The following RCVRN variants were observed in gnomAD, a reference collection of about 807,000 sequenced individuals.
RCVRN encodes recoverin, also known as cancer associated retinopathy antigen.
In RCVRN, 23 loss-of-function variants were observed where a neutral mutation model predicts 20.4. The ratio of observed to expected loss-of-function variants is 1.13; its 90% CI spans 0.81 to 1.60. The LOEUF is 1.60. RCVRN is among the 40% of genes most tolerant of loss of function. RCVRN has a pLI of 0.00. For synonymous variants in RCVRN, 105 were observed against 105.9 expected, an observed-to-expected ratio of 0.99 and a Z score of 0.05; for missense variants, 254 against 254.2, an observed-to-expected ratio of 1.00 and a Z score of 0.00.
rs768115965 is a variant in RCVRN, at chr17:9,904,995, G to C, written c.186C>G (p.Pro62=). ...IYAKFFPDTD[P]KAYAQHVFRS... ...GGAACACATGCTGGGCGTAGGCCTTGGGGTCGGTGTCGGGGAAGAACTTGG... is the reference window on the plus strand; with the variant it reads ...GGAACACATGCTGGGCGTAGGCCTTCGGGTCGGTGTCGGGGAAGAACTTGG... The change falls in exon 1 of 3, where the codon CCC becomes CCG. Residue 62 remains proline, a synonymous_variant. Transcript: ENST00000226193. The surrounding 1 kb of genome is among the most constrained non-coding windows in gnomAD (Gnocchi z 5.8). 1 of 1,614,202 alleles carries C rather than the reference G, an allele frequency of 6.2e-7. No individual in the cohort carries two copies. The highest frequency in any genetic ancestry group is 8.5e-7 in the Non-Finnish European group (1 of 1,180,040).
chr17:9,898,446 G>A (rs2067328343), intron 2 of RCVRN, among the ~76,000 whole-genome samples: 1 of 152,102 alleles, frequency 6.6e-6, no homozygotes, highest in Non-Finnish European at 1.5e-5. Context: ...GACTGGCACT[G>A]GGGGGGCCCC....
At position 9,905,080 on chromosome 17, in the gene RCVRN, G is replaced by T; in HGVS notation, c.101C>A (p.Ser34Tyr). ...GCCGGTGGGACAGTCCTTCAGGAAG[G>T]ACTGGTACCAGGAGCACAGCTCCTC... ...SEEELCSWYQ[S>Y]FLKDCPTGRI... The change falls in exon 1 of 3, where the codon TCC (serine) becomes TAC (tyrosine). Residue 34 changes from serine (S) to tyrosine (Y), a missense_variant. Ser to Tyr is a moderately radical substitution (Grantham distance 144, BLOSUM62 -2). Coordinates refer to ENST00000226193, the MANE Select transcript of RCVRN (RefSeq NM_002903.3). The T allele has an allele frequency of 6.2e-7, 1 of 1,611,122 alleles. No homozygotes were observed. The highest frequency in any genetic ancestry group is 1.1e-5 in the South Asian group (1 of 90,620).
At chr17:9,901,738 G>A (rs1335043223) in intron 1 of RCVRN, among the ~76,000 whole-genome samples, 2 of 152,200 alleles carry the variant, frequency 1.3e-5, no homozygotes, top group African/African-American at 4.8e-5. Flanking sequence ...GTGAGTGCCT[G>A]CCCACCCCAC....
At chr17:9,902,005 T>C (rs1413555616) in intron 1 of RCVRN, among the ~76,000 whole-genome samples, 2 of 151,722 alleles carry the variant, frequency 1.3e-5, no homozygotes, top group Non-Finnish European at 2.9e-5. Context: ...TCCCTCCCTT[T>C]CCTTTCTTCT....
At position 9,898,253 on chromosome 17, in the gene RCVRN, T is replaced by C. The variant is rs372334401; in HGVS notation, c.494-49A>G. 2.1e-5 allele frequency: 25 copies of C among 1,170,062 alleles called. No individual in the cohort carries two copies. In the African/African-American group the frequency reaches 3.6e-4, roughly 17 times the overall value. The allele number at this position is 1,170,062 out of a possible 1,614,324, so 72.5% of individuals were successfully genotyped here. A position where few individuals can be genotyped will look rare whatever the true frequency, so the allele number is the denominator to read the frequency against. ...ACGTACATAAAACAGTCAGGATTGA[T>C]AGCCAAGTGAGCTGCGATGAGGCTG... On this transcript the variant is annotated intron_variant, in intron 2 of 2. Transcript: ENST00000226193.
chr17:9,903,079 T>C (rs958570641), intron 1 of RCVRN, among the ~76,000 whole-genome samples: 2 of 152,152 alleles, frequency 1.3e-5, no homozygotes, highest in African/African-American at 2.4e-5. Flanking sequence ...TGATAAAAAA[T>C]CGTATGTGAA....
rs2152055076 is a variant in RCVRN at position 9,904,262 on chromosome 17, A to AT, written c.381+537_381+538insA. On this transcript the variant is annotated intron_variant, in intron 1 of 2. Coordinates refer to ENST00000226193, the MANE Select transcript of RCVRN (RefSeq NM_002903.3). This position sits in a 1 kb window ranked among gnomAD's most constrained non-coding sequence, Gnocchi z 5.8. ...ATCTCAAAAAAATAAAAAATAAAAA[A>AT]CCAAGATACAAAATGGTAGACCTGT... 6.6e-6 allele frequency among the ~76,000 whole-genome samples: 1 copy of AT among 152,230 alleles called. No homozygotes were observed. The highest frequency in any genetic ancestry group is 2.4e-5 in the African/African-American group (1 of 41,536).
intron 2 of RCVRN, among the ~76,000 whole-genome samples, chr17:9,898,562 T>A (rs951327229): frequency 6.6e-6 from 1 of 152,216 alleles, no homozygotes; most frequent in Non-Finnish European, 1.5e-5. Flanking sequence ...GTTATTCTAT[T>A]TTCTATAGTA....
chr17:9,905,057 C>T lies in RCVRN; in HGVS notation c.124G>A (p.Gly42Ser), dbSNP rs2067357719. 1.9e-6 allele frequency: 3 copies of T among 1,612,656 alleles called. No individual in the cohort carries two copies. Among genetic ancestry groups the T allele is most frequent in the East Asian group, 2.2e-5 (1 of 44,810 alleles). The change falls in exon 1 of 3, where the codon GGC becomes AGC. Residue 42 changes from glycine (G) to serine (S), a missense_variant. Physicochemically the swap from Gly to Ser is moderately conservative, Grantham distance 56 (BLOSUM62 0). Transcript: ENST00000226193. ...YQSFLKDCPT[G>S]RITQQQFQSI... Reference sequence around the variant, plus strand: ...TGGAACTGCTGCTGGGTGATGCGGCCGGTGGGACAGTCCTTCAGGAAGGAC... The same window carrying T: ...TGGAACTGCTGCTGGGTGATGCGGCTGGTGGGACAGTCCTTCAGGAAGGAC...
rs2067319627 is a variant in RCVRN, at chr17:9,896,924, C to T, written c.*1171G>A. 1 of 152,806 alleles carries T rather than the reference C, an allele frequency of 6.5e-6. No homozygotes were observed. Among genetic ancestry groups the T allele is most frequent in the Non-Finnish European group, 1.5e-5 (1 of 68,558 alleles). The allele number at this position is 152,806 out of a possible 1,614,324, so 9.5% of individuals were successfully genotyped here. On this transcript the variant is annotated 3_prime_UTR_variant, in exon 3 of 3. Coordinates refer to ENST00000226193, the MANE Select transcript of RCVRN (RefSeq NM_002903.3). Reference sequence around the variant, plus strand: ...CATTCCTGCCCTCTCTCCTCCTGCCCCCTCAGCCAGCCAGGTGGATGCTAC... The same window carrying T: ...CATTCCTGCCCTCTCTCCTCCTGCCTCCTCAGCCAGCCAGGTGGATGCTAC...
chr17:9,902,595 G>A lies in RCVRN; in HGVS notation c.382-1495C>T, dbSNP rs541075338. Among the ~76,000 whole-genome samples the A allele has an allele frequency of 2.6e-5, 4 of 151,822 alleles. No individual in the cohort carries two copies. In the East Asian group the frequency reaches 7.7e-4, roughly 29 times the overall value. On this transcript the variant is annotated intron_variant, in intron 1 of 2. Transcript: ENST00000226193. ...AAAAAAAATCAAATGAAGGAAATTA[G>A]AACTGGTATAATAGGAAAGAAATGG...
In RCVRN at chr17:9,896,551, G is replaced by C. The variant is rs961533811; in HGVS notation, c.*1544C>G. On this transcript the variant is annotated 3_prime_UTR_variant, in exon 3 of 3. Coordinates refer to ENST00000226193, the MANE Select transcript of RCVRN (RefSeq NM_002903.3). ...GAACTTGAGGCTGGAGAATAAATGG[G>C]CCTTCAAAGCAACAAATCCAGGGAT... 8 of 152,168 alleles carry C rather than the reference G, an allele frequency of 5.3e-5. No individual in the cohort carries two copies. Among genetic ancestry groups the C allele is most frequent in the African/African-American group, 1.9e-4 (8 of 41,428 alleles). The allele number at this position is 152,168 out of a possible 1,614,324, so 9.4% of individuals were successfully genotyped here.
intron 2 of RCVRN, among the ~76,000 whole-genome samples, chr17:9,900,262 C>T (rs2067335378): frequency 6.6e-6 from 1 of 152,160 alleles, no homozygotes; most frequent in Admixed American, 6.5e-5. Context: ...CTTGTGCTGG[C>T]CGTAAGCATC....
At chr17:9,898,938 T>C (rs2152054140) in intron 2 of RCVRN, among the ~76,000 whole-genome samples, 1 of 152,332 alleles carries the variant, frequency 6.6e-6, no homozygotes, top group East Asian at 1.9e-4. Flanking sequence ...ATCAGGTGGC[T>C]AACTGTATTC....
intron 1 of RCVRN, among the ~76,000 whole-genome samples, chr17:9,902,566 ATT>A (rs200395071): frequency 0.18 from 27,266 of 150,020 alleles, 3,166 homozygotes; most frequent in Non-Finnish European, 0.27. Flanking sequence ...AAAAGAATAA[ATT>A]AAAAAAAAAT....
rs1165266974 is a variant in RCVRN at position 9,897,181 on chromosome 17, G to C, written c.*914C>G. 6.6e-6 allele frequency: 1 copy of C among 152,270 alleles called. No homozygotes were observed. Among genetic ancestry groups the C allele is most frequent in the Non-Finnish European group, 1.5e-5 (1 of 68,170 alleles). 9.4% of individuals were successfully genotyped at this position (152,270 alleles called of 1,614,324 possible). On this transcript the variant is annotated 3_prime_UTR_variant, in exon 3 of 3. Coordinates refer to ENST00000226193, the MANE Select transcript of RCVRN (RefSeq NM_002903.3). Reference sequence around the variant, plus strand: ...CGCTGTCCCCATGGTGAGCCCCCAAGTGCTTACCACAGGCTGCAGGGAGGG... The same window carrying C: ...CGCTGTCCCCATGGTGAGCCCCCAACTGCTTACCACAGGCTGCAGGGAGGG...
rs1381458603 is a variant in RCVRN, at chr17:9,896,464, G to A, written c.*1631C>T. 2 of 152,214 alleles carry A rather than the reference G, an allele frequency of 1.3e-5. No individual in the cohort carries two copies. The highest frequency in any genetic ancestry group is 2.9e-5 in the Non-Finnish European group (2 of 68,046). The allele number at this position is 152,214 out of a possible 1,614,324, so 9.4% of individuals were successfully genotyped here. A position where few individuals can be genotyped will look rare whatever the true frequency, so the allele number is the denominator to read the frequency against. On this transcript the variant is annotated 3_prime_UTR_variant, in exon 3 of 3. Coordinates refer to ENST00000226193, the MANE Select transcript of RCVRN (RefSeq NM_002903.3). ...GCAACTAGAGACTCCTCAGCCTCAA[G>A]AGGTTGCAGACAGGTCAGTCAAGAA...
At chr17:9,898,698 T>A (rs758472742) in intron 2 of RCVRN, among the ~76,000 whole-genome samples, 5 of 151,382 alleles carry the variant, frequency 3.3e-5, no homozygotes, top group Non-Finnish European at 7.4e-5. Flanking sequence ...GAAATAGGAG[T>A]GAGAAGTGAA....
chr17:9,900,938 G>A (rs768556970), intron 2 of RCVRN, 51 bp downstream of exon 2: 2 of 1,134,620 alleles, frequency 1.8e-6, no homozygotes, highest in South Asian at 1.3e-5. Flanking sequence ...GGATTTCCAG[G>A]AAACAGCCCA....
Sources: gnomAD v4.1 joint callset for allele counts (sites outside exome capture counted in the v4.1 genomes callset) on GRCh38, gnomAD v4.1.1 for gene constraint, Gnocchi (gnomAD v3.1) non-coding constraint, MANE v1.5 for transcripts, NCBI Gene and HGNC (gene_info 2026-07-23, HGNC 2026-07-21) for gene names.